The following CHLSN variants were observed in gnomAD, a reference collection of about 807,000 sequenced individuals.
The protein encoded by CHLSN is protein cholesin.
At chr7:1,053,486 C>G in the CHLSN span, among the ~76,000 whole-genome samples, 1 of 152,258 alleles carries the variant, frequency 6.6e-6, no homozygotes, top group Admixed American at 6.5e-5. Context: ...TCGCCAGGCC[C>G]TGGCACGCTG....
At chr7:1,117,643 C>G in the CHLSN span, among the ~76,000 whole-genome samples, 1 of 140,898 alleles carries the variant, frequency 7.1e-6, no homozygotes, top group African/African-American at 2.7e-5. Flanking sequence ...CACTACAGCT[C>G]TACGGACCGG....
the CHLSN span, among the ~76,000 whole-genome samples, chr7:1,089,099 A>G: frequency 3.3e-5 from 5 of 152,126 alleles, no homozygotes; most frequent in Admixed American, 3.3e-4. Flanking sequence ...TACGTTCCAA[A>G]ATTTCTACAT....
chr7:1,061,628 C>A, the CHLSN span, among the ~76,000 whole-genome samples: 1 of 152,192 alleles, frequency 6.6e-6, no homozygotes, highest in African/African-American at 2.4e-5. Context: ...AGCCTCCTGC[C>A]GCCCCTGAGA....
At chr7:1,088,273 G>A in the CHLSN span, 1 of 152,346 alleles carries the variant, frequency 6.6e-6, no homozygotes, top group East Asian at 1.9e-4. The surrounding 1 kb of genome is among the most constrained non-coding windows in gnomAD (Gnocchi z 4.5). Flanking sequence ...CCAGCCTGAT[G>A]GGCCTGACCA....
the CHLSN span, among the ~76,000 whole-genome samples, chr7:1,129,863 T>C: frequency 6.6e-6 from 1 of 152,246 alleles, no homozygotes; most frequent in African/African-American, 2.4e-5. Flanking sequence ...GAAATACCAT[T>C]TTTAGTGACA....
the CHLSN span, among the ~76,000 whole-genome samples, chr7:999,917 C>T: frequency 1.3e-5 from 2 of 152,264 alleles, no homozygotes; most frequent in Non-Finnish European, 2.9e-5. Flanking sequence ...TCCTGTGAAA[C>T]TCTATCTCAC....
chr7:1,069,302 G>A, the CHLSN span, among the ~76,000 whole-genome samples: 1,181 of 152,216 alleles, frequency 7.8e-3, 11 homozygotes, highest in African/African-American at 0.027. Flanking sequence ...CTGCACTCCA[G>A]CCTGGGCGAC....
At chr7:986,963 C>T in the CHLSN span, 8 of 1,328,542 alleles carry the variant, frequency 6.0e-6, no homozygotes, top group South Asian at 1.1e-4. Flanking sequence ...ACGGGGCATC[C>T]ATAGTGCCTG....
chr7:1,124,147 G>C, the CHLSN span, among the ~76,000 whole-genome samples: 78,965 of 152,002 alleles, frequency 0.52, 21,039 homozygotes, highest in African/African-American at 0.59. Flanking sequence ...TAATCAACAC[G>C]TATTTTAATA....
At chr7:980,990 G>A in the CHLSN span, among the ~76,000 whole-genome samples, 2 of 151,970 alleles carry the variant, frequency 1.3e-5, no homozygotes, top group African/African-American at 2.4e-5. Context: ...ACTGCGCCTG[G>A]CCAACGAGTT....
chr7:1,106,735 C>G, the CHLSN span, among the ~76,000 whole-genome samples: 3 of 152,196 alleles, frequency 2.0e-5, no homozygotes, highest in Non-Finnish European at 1.5e-5. Flanking sequence ...GAGAAGATGC[C>G]GGTGCTGCCG....
chr7:1,092,895 G>A, the CHLSN span: 40 of 1,576,992 alleles, frequency 2.5e-5, no homozygotes, highest in East Asian at 3.8e-4. Context: ...GGTGTGACTC[G>A]GGAGCTGCAC....
At chr7:1,122,456 C>T in the CHLSN span, among the ~76,000 whole-genome samples, 1 of 152,204 alleles carries the variant, frequency 6.6e-6, no homozygotes, top group Admixed American at 6.5e-5. Context: ...GCGTATGCCG[C>T]CTTCCCCCGC....
chr7:1,107,979 A>T, the CHLSN span, among the ~76,000 whole-genome samples: 16 of 120,246 alleles, frequency 1.3e-4, no homozygotes, highest in East Asian at 3.2e-3. Context: ...CCCGCACTGG[A>T]GACCCGCACC....
chr7:1,017,535 C>T, the CHLSN span, among the ~76,000 whole-genome samples: 1 of 152,126 alleles, frequency 6.6e-6, no homozygotes, highest in Non-Finnish European at 1.5e-5. Flanking sequence ...GGGAGCATCC[C>T]TGGATGGCAG....
chr7:1,041,113 G>A, the CHLSN span, among the ~76,000 whole-genome samples: 1 of 150,120 alleles, frequency 6.7e-6, no homozygotes, highest in African/African-American at 2.4e-5. Context: ...CGGAATTTAG[G>A]AAGAGGGAAT....
the CHLSN span, among the ~76,000 whole-genome samples, chr7:1,100,781 A>C: frequency 2.0e-5 from 3 of 151,232 alleles, no homozygotes; most frequent in Admixed American, 6.6e-5. Flanking sequence ...AAAAAAAAAA[A>C]CAAAACAAAA....
chr7:982,464 G>A, the CHLSN span, among the ~76,000 whole-genome samples: 13 of 152,250 alleles, frequency 8.5e-5, no homozygotes, highest in Non-Finnish European at 2.9e-5. Flanking sequence ...CCTCACAGCG[G>A]TTTAGGAGAC....
chr7:1,000,101 C>T, the CHLSN span, among the ~76,000 whole-genome samples: 9 of 152,356 alleles, frequency 5.9e-5, no homozygotes, highest in Admixed American at 2.0e-4. Flanking sequence ...TGAAGGCCGG[C>T]GGCAGGGCTC....
Sources: gnomAD v4.1 joint callset for allele counts (sites outside exome capture counted in the v4.1 genomes callset) on GRCh38, gnomAD v4.1.1 for gene constraint, Gnocchi (gnomAD v3.1) non-coding constraint, MANE v1.5 for transcripts, NCBI Gene and HGNC (gene_info 2026-07-23, HGNC 2026-07-21) for gene names.